Variants in ATP10B observed in about 807,000 individuals in gnomAD.
ATP10B encodes the protein phospholipid-transporting ATPase VB.
Under a neutral mutation model 141.2 loss-of-function variants are expected in ATP10B, and 122 were observed. The observed-to-expected ratio is 0.86, with a 90% CI of 0.75 to 1.00. ATP10B has a LOEUF of 1.00. Ranked by LOEUF, ATP10B falls within the 50% of genes least tolerant of loss-of-function variation. The pLI is 0.00. For missense variants in ATP10B, 1,876 were observed against 1,825.3 expected (o/e 1.03, Z -0.51); for synonymous variants, 685 against 692.0 (o/e 0.99, Z 0.16).
chr5:160,776,401 G>T (rs963303624), intron 2 of ATP10B, among the ~76,000 whole-genome samples: 1 of 152,208 alleles, frequency 6.6e-6, no homozygotes, highest in Non-Finnish European at 1.5e-5. Context: ...TAGTCAGCTG[G>T]TACTGTGTGC....
chr5:160,834,706 T>C (rs939441972), intron 1 of ATP10B, among the ~76,000 whole-genome samples: 9 of 152,162 alleles, frequency 5.9e-5, no homozygotes, highest in Non-Finnish European at 1.3e-4. Flanking sequence ...GACACTCACA[T>C]ACAAATTCTC....
chr5:160,890,788 C>G, the ATP10B span, among the ~76,000 whole-genome samples: 1 of 152,130 alleles, frequency 6.6e-6, no homozygotes, highest in Non-Finnish European at 1.5e-5. Flanking sequence ...AATCACAGCT[C>G]ACCGCAGCCT....
chr5:160,733,618 A>G (rs1766892159), intron 2 of ATP10B, among the ~76,000 whole-genome samples: 1 of 151,632 alleles, frequency 6.6e-6, no homozygotes, highest in Admixed American at 6.6e-5. Flanking sequence ...TGTCACACAT[A>G]TATTACACAT....
chr5:160,770,064 T>C (rs1769770348), intron 2 of ATP10B, among the ~76,000 whole-genome samples: 1 of 152,200 alleles, frequency 6.6e-6, no homozygotes, highest in Admixed American at 6.5e-5. Context: ...AATAAAAGTT[T>C]ATAATCACTT....
At chr5:160,600,994 T>C (rs1055265942) in intron 21 of ATP10B, among the ~76,000 whole-genome samples, 5 of 152,156 alleles carry the variant, frequency 3.3e-5, no homozygotes, top group African/African-American at 1.2e-4. Flanking sequence ...TTCTTTCCTA[T>C]TTCACAAATT....
At chr5:160,887,831 T>TCCA in the ATP10B span, among the ~76,000 whole-genome samples, 1 of 152,110 alleles carries the variant, frequency 6.6e-6, no homozygotes, top group Non-Finnish European at 1.5e-5. Flanking sequence ...ACAAGCACAC[T>TCCA]CCACCTTATT....
chr5:160,695,986 G>A (rs960221734), intron 3 of ATP10B, among the ~76,000 whole-genome samples: 1 of 152,124 alleles, frequency 6.6e-6, no homozygotes, highest in Non-Finnish European at 1.5e-5. Context: ...AAATCAATAA[G>A]TATATCAGTT....
chr5:160,731,489 C>G (rs1272322136), intron 2 of ATP10B, among the ~76,000 whole-genome samples: 1 of 152,110 alleles, frequency 6.6e-6, no homozygotes, highest in Non-Finnish European at 1.5e-5. Flanking sequence ...GAATTTGAAC[C>G]CCTAATATCT....
intron 1 of ATP10B, among the ~76,000 whole-genome samples, chr5:160,830,053 G>T (rs1304071896): frequency 6.6e-6 from 1 of 151,938 alleles, no homozygotes. Context: ...ATGTTTCCAG[G>T]TTTTGCCTGT....
chr5:160,684,680 G>C (rs1163139783), intron 6 of ATP10B, among the ~76,000 whole-genome samples: 1 of 152,100 alleles, frequency 6.6e-6, no homozygotes, highest in Non-Finnish European at 1.5e-5. Context: ...CTGGATTGTA[G>C]ACTATAAAGC....
the ATP10B span, among the ~76,000 whole-genome samples, chr5:160,906,026 A>G: frequency 6.6e-6 from 1 of 152,096 alleles, no homozygotes; most frequent in Non-Finnish European, 1.5e-5. Flanking sequence ...CACTCCCTCC[A>G]TTTTGCTGCT....
At chr5:160,854,965 T>A (rs1314762162), upstream of ATP10B, among the ~76,000 whole-genome samples, 5 of 152,266 alleles carry the variant, frequency 3.3e-5, 1 homozygote, top group African/African-American at 1.2e-4. Context: ...TATCTGGGAC[T>A]CAAACTACAG....
intron 7 of ATP10B, among the ~76,000 whole-genome samples, chr5:160,659,401 G>A (rs943906449): frequency 4.6e-5 from 7 of 152,084 alleles, no homozygotes; most frequent in African/African-American, 1.7e-4. Context: ...GGAGGCAGAG[G>A]TTGCAGTGAG....
At chr5:160,926,942 G>T in the ATP10B span, among the ~76,000 whole-genome samples, 10 of 152,372 alleles carry the variant, frequency 6.6e-5, no homozygotes, top group Admixed American at 6.5e-4. Context: ...AGCAAGAGCT[G>T]TATTGTGCTG....
At chr5:160,734,054 G>A (rs1766937067) in intron 2 of ATP10B, among the ~76,000 whole-genome samples, 1 of 141,662 alleles carries the variant, frequency 7.1e-6, no homozygotes, top group African/African-American at 2.7e-5. Context: ...GTTGCAGTGA[G>A]CCGATATCAT....
intron 1 of ATP10B, among the ~76,000 whole-genome samples, chr5:160,822,985 TATACATATATATATAC>T (rs1284975592): frequency 3.7e-4 from 32 of 86,520 alleles, no homozygotes; most frequent in Admixed American, 1.8e-3. Flanking sequence ...AAAAATTACA[TATACATATATATATAC>T]ATATATATAT....
intron 3 of ATP10B, among the ~76,000 whole-genome samples, chr5:160,693,856 C>T (rs1051215802): frequency 6.6e-6 from 1 of 152,214 alleles, no homozygotes; most frequent in Non-Finnish European, 1.5e-5. Flanking sequence ...GCTCGCCTGC[C>T]ACTTACCTCC....
In ATP10B at chr5:160,572,839, C is replaced by T. The variant is rs1176683872; in HGVS notation, c.3751-3156G>A. On this transcript the variant is annotated intron_variant, in intron 24 of 25. Transcript: ENST00000327245. ...TCATACACCCAACATTCAGCTTCAT[C>T]GGTTTTAACCTTATATTTACTTCAG... 3.3e-5 allele frequency among the ~76,000 whole-genome samples: 5 copies of T among 152,330 alleles called. No individual in the cohort carries two copies. The South Asian group carries it at 8.3e-4, about 25-fold the overall frequency.
At chr5:160,717,210 C>A (rs945634117) in intron 2 of ATP10B, among the ~76,000 whole-genome samples, 176 bp from the exon 3 acceptor site, 2 of 152,074 alleles carry the variant, frequency 1.3e-5, no homozygotes, top group African/African-American at 4.8e-5. Context: ...AAGTTTAGGA[C>A]AACAGTAATG....
Sources: allele counts gnomAD v4.1 joint callset (sites outside exome capture counted in the v4.1 genomes callset), GRCh38; gene constraint gnomAD v4.1.1; transcripts MANE v1.5; gene names NCBI Gene and HGNC (gene_info 2026-07-23, HGNC 2026-07-21).